The following UBASH3B variants were observed in gnomAD, a reference collection of about 807,000 sequenced individuals.
UBASH3B encodes the protein ubiquitin associated and SH3 domain containing B.
UBASH3B carries 37 observed loss-of-function variants against 83.4 expected under a neutral mutation model. The ratio of observed to expected loss-of-function variants is 0.44; its 90% confidence interval spans 0.34 to 0.58. The LOEUF is 0.58. Ranked by LOEUF, UBASH3B falls within the 20% of genes least tolerant of loss-of-function variation. UBASH3B has a pLI of 0.01. For synonymous variants in UBASH3B, 304 were observed against 318.3 expected (o/e 0.96, Z 0.48); for missense variants, 657 against 827.2 (o/e 0.79, Z 2.52).
chr11:122,809,716 T>TAATA (rs1393313459), intron 13 of UBASH3B, 33 bp from the exon 14 acceptor site: 3 of 1,613,126 alleles, frequency 1.9e-6, no homozygotes, highest in Non-Finnish European at 2.5e-6. Context: ...ACCTATCTCC[T>TAATA]AATATCCCCT....
chr11:122,813,443 T>C lies in UBASH3B; in HGVS notation c.*3557T>C, dbSNP rs1861484327. The C allele has an allele frequency of 6.6e-6, 1 of 152,240 alleles. No homozygotes were observed. The highest frequency in any genetic ancestry group is 2.4e-5 in the African/African-American group (1 of 41,472). 9.4% of individuals were successfully genotyped at this position (152,240 alleles called of 1,614,324 possible). On this transcript the variant is annotated 3_prime_UTR_variant, in exon 14 of 14. Coordinates refer to ENST00000284273, the MANE Select transcript of UBASH3B (RefSeq NM_032873.5). ...CCAGTGTTTAATTTCAAAGCAGTGA[T>C]GAATTGCTCTTTTGAAATTACTCTA...
chr11:122,724,466 T>G (rs1860696475), intron 1 of UBASH3B, among the ~76,000 whole-genome samples: 1 of 152,220 alleles, frequency 6.6e-6, no homozygotes, highest in African/African-American at 2.4e-5. Flanking sequence ...GTTCACAGTT[T>G]GCTGGGAGAC....
chr11:122,666,372 C>A (rs1863519002), intron 1 of UBASH3B, among the ~76,000 whole-genome samples: 1 of 152,182 alleles, frequency 6.6e-6, no homozygotes, highest in Non-Finnish European at 1.5e-5. Context: ...GAGTTCTCAA[C>A]CATGGCATCT....
chr11:122,663,084 C>A (rs1863468200), intron 1 of UBASH3B, among the ~76,000 whole-genome samples: 1 of 148,314 alleles, frequency 6.7e-6, no homozygotes, highest in Non-Finnish European at 1.5e-5. Context: ...TCAAGCAATT[C>A]TCCTGCCTCA....
At chr11:122,757,552 C>T (rs1045403112) in intron 1 of UBASH3B, among the ~76,000 whole-genome samples, 1 of 152,104 alleles carries the variant, frequency 6.6e-6, no homozygotes, top group East Asian at 1.9e-4. Flanking sequence ...TTGTGTTAAA[C>T]AAATGGGCTG....
chr11:122,683,631 A>ATAAT, intron 1 of UBASH3B, among the ~76,000 whole-genome samples: 1 of 129,178 alleles, frequency 7.7e-6, no homozygotes, highest in Non-Finnish European at 1.8e-5. Context: ...AATAATAATA[A>ATAAT]AATAAAATAT....
intron 1 of UBASH3B, among the ~76,000 whole-genome samples, chr11:122,674,724 GTTT>G (rs35117227): frequency 1.8e-5 from 2 of 112,316 alleles, no homozygotes; most frequent in South Asian, 2.9e-4. Context: ...TCTGCAGTTA[GTTT>G]TTTTTTTTTT....
At chr11:122,699,021 C>T (rs1457706382) in intron 1 of UBASH3B, among the ~76,000 whole-genome samples, 11 of 152,212 alleles carry the variant, frequency 7.2e-5, no homozygotes, top group East Asian at 3.9e-4. Context: ...AGCTAATTTT[C>T]GTATTTTTAG....
chr11:122,751,425 C>T (rs1392280957), intron 1 of UBASH3B, among the ~76,000 whole-genome samples: 1 of 152,230 alleles, frequency 6.6e-6, no homozygotes, highest in African/African-American at 2.4e-5. Flanking sequence ...ATTGGAGGCT[C>T]ATTGCAGTCT....
intron 1 of UBASH3B, among the ~76,000 whole-genome samples, chr11:122,656,678 G>A (rs1354464767): frequency 1.3e-5 from 2 of 152,200 alleles, no homozygotes; most frequent in Admixed American, 6.5e-5. Context: ...AGGGAGGCCG[G>A]CGCCCCCGTT....
intron 1 of UBASH3B, among the ~76,000 whole-genome samples, chr11:122,755,783 G>A (rs1861273601): frequency 6.6e-6 from 1 of 152,014 alleles, no homozygotes; most frequent in African/African-American, 2.4e-5. Context: ...TTTAAGATTG[G>A]GTATCTATTA....
chr11:122,706,106 C>CTTTTTTTTTTTTTTTTTTTTTTTT (rs36055058), intron 1 of UBASH3B, among the ~76,000 whole-genome samples: 3 of 127,034 alleles, frequency 2.4e-5, no homozygotes, highest in Non-Finnish European at 3.2e-5. Context: ...TCTTTTCTTT[C>CTTTTTTTTTTTTTTTTTTTTTTTT]TTTTTTTTTT....
chr11:122,687,630 G>T (rs878877809), intron 1 of UBASH3B, among the ~76,000 whole-genome samples: 1 of 152,084 alleles, frequency 6.6e-6, no homozygotes, highest in East Asian at 1.9e-4. Context: ...ATTTCTTTCA[G>T]CAGCCTCTTT....
intron 4 of UBASH3B, among the ~76,000 whole-genome samples, chr11:122,781,138 C>G (rs1252777634): frequency 6.6e-6 from 1 of 152,106 alleles, no homozygotes; most frequent in Non-Finnish European, 1.5e-5. Context: ...CCCTCTGTAC[C>G]TGGGGAGGGG....
intron 6 of UBASH3B, among the ~76,000 whole-genome samples, chr11:122,792,730 G>C (rs1012152647): frequency 6.6e-6 from 1 of 152,222 alleles, no homozygotes; most frequent in African/African-American, 2.4e-5. Flanking sequence ...TTGGGCTACA[G>C]TTACTTAAAT....
At chr11:122,704,756 C>T (rs1038210591) in intron 1 of UBASH3B, among the ~76,000 whole-genome samples, 2 of 152,088 alleles carry the variant, frequency 1.3e-5, no homozygotes, top group African/African-American at 2.4e-5. Flanking sequence ...GTGATCTGCC[C>T]GCCTCGGCCT....
chr11:122,688,687 C>T (rs1163038706), intron 1 of UBASH3B, among the ~76,000 whole-genome samples: 8 of 149,396 alleles, frequency 5.4e-5, no homozygotes, highest in African/African-American at 2.0e-4. Context: ...CTCTGTTGCC[C>T]AGGCTGGAGT....
At chr11:122,731,585 C>G (rs1487695480) in intron 1 of UBASH3B, among the ~76,000 whole-genome samples, 1 of 152,158 alleles carries the variant, frequency 6.6e-6, no homozygotes, top group Non-Finnish European at 1.5e-5. Flanking sequence ...GGATTCACTA[C>G]TGCATCCACA....
At chr11:122,674,535 C>G (rs765986211) in intron 1 of UBASH3B, among the ~76,000 whole-genome samples, 1 of 152,026 alleles carries the variant, frequency 6.6e-6, no homozygotes, top group Non-Finnish European at 1.5e-5. Flanking sequence ...CGCCCGCCAC[C>G]ACACCCGGCT....
Sources: gnomAD v4.1 joint callset for allele counts (sites outside exome capture counted in the v4.1 genomes callset) on GRCh38, gnomAD v4.1.1 for gene constraint, MANE v1.5 for transcripts, NCBI Gene and HGNC (gene_info 2026-07-23, HGNC 2026-07-21) for gene names.